The following C9 variants were observed in gnomAD, a reference collection of about 807,000 sequenced individuals.
C9 encodes the protein complement C9.
C9 carries 63 observed loss-of-function variants against 65.4 expected under a neutral mutation model. The observed-to-expected ratio is 0.96, with a 90% CI of 0.79 to 1.19. The LOEUF is 1.19. Ranked by LOEUF, C9 falls within the 50% of genes most tolerant of loss-of-function variation. The probability of loss-of-function intolerance (pLI) is 0.00; values close to 1 mark genes in which losing one functional copy is unlikely to be tolerated. For missense variants in C9, 744 were observed against 670.1 expected (o/e 1.11, Z -1.22); for synonymous variants, 229 against 227.9 (o/e 1.00, Z -0.04).
At chr5:39,359,048 G>GTATATATATGTGTA in intron 1 of C9, among the ~76,000 whole-genome samples, 1 of 140,274 alleles carries the variant, frequency 7.1e-6, no homozygotes, top group African/African-American at 2.6e-5. Flanking sequence ...GTGTGTGTGT[G>GTATATATATGTGTA]TATATATATG....
chr5:39,318,096 GT>G (rs113650431), intron 5 of C9, among the ~76,000 whole-genome samples: 24 of 147,272 alleles, frequency 1.6e-4, no homozygotes, highest in South Asian at 8.6e-4. Context: ...TATTTTATGG[GT>G]TTTTTTTTTA....
intron 5 of C9, among the ~76,000 whole-genome samples, chr5:39,326,613 T>C (rs751429874): frequency 1.3e-5 from 2 of 152,254 alleles, no homozygotes; most frequent in Non-Finnish European, 2.9e-5. Context: ...CTTCATGATT[T>C]AACCCCTGCC....
At chr5:39,353,090 G>A (rs1754351929) in intron 1 of C9, among the ~76,000 whole-genome samples, 1 of 152,120 alleles carries the variant, frequency 6.6e-6, no homozygotes, top group South Asian at 2.1e-4. Context: ...GCATGAAAAG[G>A]GATTCCACCT....
At chr5:39,292,929 CAT>C (rs1340728679) in intron 9 of C9, among the ~76,000 whole-genome samples, 14 of 148,952 alleles carry the variant, frequency 9.4e-5, no homozygotes, top group African/African-American at 3.4e-4. Flanking sequence ...AAAATGGAAT[CAT>C]ATAACATACT....
chr5:39,361,704 T>G (rs998755612), intron 1 of C9, among the ~76,000 whole-genome samples: 1 of 152,196 alleles, frequency 6.6e-6, no homozygotes, highest in Non-Finnish European at 1.5e-5. Context: ...TCTACTCTCA[T>G]GGTGGTTTTA....
intron 9 of C9, among the ~76,000 whole-genome samples, chr5:39,300,832 TAAC>T (rs776945045): frequency 6.6e-6 from 1 of 152,168 alleles, no homozygotes; most frequent in Non-Finnish European, 1.5e-5. Flanking sequence ...AAAGACAGTT[TAAC>T]TTCTTCCTTG....
Position 39,320,505 on chromosome 5 carries a change from T to C in C9, c.616-4476A>G, listed in dbSNP as rs541941782. 2.0e-5 allele frequency among the ~76,000 whole-genome samples: 3 copies of C among 151,856 alleles called. No individual in the cohort carries two copies. In the South Asian group the frequency reaches 6.3e-4, roughly 32 times the overall value. On this transcript the variant is annotated intron_variant, in intron 5 of 10. Coordinates refer to ENST00000263408, the MANE Select transcript of C9 (RefSeq NM_001737.5). ...AGAAAAACAAAAAATAAAAAAGAAA[T>C]AGTGAAGAAGTCCTGTGGGAACTAT...
At chr5:39,338,097 C>A in intron 4 of C9, among the ~76,000 whole-genome samples, 1 of 152,184 alleles carries the variant, frequency 6.6e-6, no homozygotes, top group East Asian at 1.9e-4. Context: ...AAGAATATTA[C>A]AAATATAACA....
chr5:39,342,311 T>C, intron 1 of C9, 115 bp from the exon 2 acceptor site: 1 of 654,240 alleles, frequency 1.5e-6, no homozygotes, highest in Non-Finnish European at 2.8e-6. Context: ...ATACCACTTA[T>C]CTTTTTACTA....
intron 6 of C9, 67 bp downstream of exon 6, chr5:39,315,708 A>C: frequency 8.4e-7 from 1 of 1,194,136 alleles, no homozygotes; most frequent in Non-Finnish European, 1.2e-6. Flanking sequence ...CTATTTGCTC[A>C]AAATACTTAA....
chr5:39,354,346 A>G (rs1360654119), intron 1 of C9, among the ~76,000 whole-genome samples: 3 of 152,216 alleles, frequency 2.0e-5, no homozygotes, highest in African/African-American at 7.2e-5. Context: ...TAGATATTAA[A>G]AATAGGAATT....
In C9 at chr5:39,306,613, T is replaced by A; in HGVS notation, c.1416+4A>T. On this transcript the variant is annotated splice_donor_region_variant and intron_variant, in intron 9 of 10. Transcript: ENST00000263408. ...TTCTGTTTGAAAATAAACACGTTTC[T>A]TACTTTTTGACTAATGAGAACAGGA... 1 of 1,609,420 alleles carries A rather than the reference T, an allele frequency of 6.2e-7. No individual in the cohort carries two copies. The highest frequency in any genetic ancestry group is 2.2e-5 in the East Asian group (1 of 44,830).
chr5:39,314,513 T>A (rs548373354), intron 6 of C9, among the ~76,000 whole-genome samples: 1 of 152,270 alleles, frequency 6.6e-6, no homozygotes, highest in South Asian at 2.1e-4. Context: ...TGACCTCCCA[T>A]GTCACTCAGA....
chr5:39,322,403 A>G (rs1456880954), intron 5 of C9, among the ~76,000 whole-genome samples: 1 of 152,072 alleles, frequency 6.6e-6, no homozygotes, highest in African/African-American at 2.4e-5. Context: ...CAAATAATCT[A>G]TTGTTACATC....
At chr5:39,339,894 C>A (rs188562191) in intron 4 of C9, among the ~76,000 whole-genome samples, 442 of 152,000 alleles carry the variant, frequency 2.9e-3, no homozygotes, top group Non-Finnish European at 2.9e-3. Flanking sequence ...CTCCTGACTT[C>A]GTGATCCGCC....
chr5:39,296,554 A>G (rs187821666), intron 9 of C9, among the ~76,000 whole-genome samples: 3 of 151,778 alleles, frequency 2.0e-5, no homozygotes, highest in East Asian at 1.9e-4. Flanking sequence ...TTTGAAAACT[A>G]TAAACACAAT....
chr5:39,311,394 A>T lies in C9; in HGVS notation c.871-17T>A, dbSNP rs753399629. The T allele has an allele frequency of 5.0e-6, 8 of 1,608,822 alleles. No individual in the cohort carries two copies. In the South Asian group the frequency reaches 8.8e-5, roughly 18 times the overall value. On this transcript the variant is annotated splice_polypyrimidine_tract_variant and intron_variant, in intron 6 of 10. Coordinates refer to ENST00000263408, the MANE Select transcript of C9 (RefSeq NM_001737.5). ...CATTTTTTCCTGTGTTGTAGAGCAG[A>T]TGAAGAAGAGAAACATGTGTTTTAT...
intron 9 of C9, among the ~76,000 whole-genome samples, chr5:39,290,480 A>G (rs200299165): frequency 6.8e-6 from 1 of 146,914 alleles, no homozygotes; most frequent in Admixed American, 6.9e-5. Flanking sequence ...CAAACAAACA[A>G]AAACAAAAAA....
intron 5 of C9, among the ~76,000 whole-genome samples, chr5:39,327,786 G>C (rs62358361): frequency 1.3e-5 from 2 of 152,086 alleles, no homozygotes. Flanking sequence ...AGAATATATA[G>C]AGAGAAATCA....
Sources: gnomAD v4.1 joint callset for allele counts (sites outside exome capture counted in the v4.1 genomes callset) on GRCh38, gnomAD v4.1.1 for gene constraint, MANE v1.5 for transcripts, NCBI Gene and HGNC (gene_info 2026-07-23, HGNC 2026-07-21) for gene names.